The following ECT2 variants were observed in gnomAD, a reference collection of about 807,000 sequenced individuals.
ECT2 encodes epithelial cell transforming 2.
A neutral mutation model predicts 116.9 loss-of-function variants in ECT2; 61 were observed. That is an observed-to-expected ratio of 0.52 (90% CI 0.42 to 0.65). ECT2 has a LOEUF of 0.65. Among genes scored for constraint, ECT2 ranks in the 30% least tolerant of loss-of-function variants. The probability of loss-of-function intolerance (pLI) is 0.00; values close to 1 mark genes in which losing one functional copy is unlikely to be tolerated. For synonymous variants in ECT2, 358 were observed against 346.4 expected, an observed-to-expected ratio of 1.03 and a Z score of -0.37; for missense variants, 937 against 1,078.7, an observed-to-expected ratio of 0.87 and a Z score of 1.84.
chr3:172,772,538 A>G (rs1720858365), intron 13 of ECT2, among the ~76,000 whole-genome samples: 1 of 152,180 alleles, frequency 6.6e-6, no homozygotes, highest in Admixed American at 6.5e-5. Flanking sequence ...TTTGTCAAAC[A>G]TGACTTGCAA....
downstream of ECT2, among the ~76,000 whole-genome samples, chr3:172,822,324 G>A (rs530736803): frequency 1.3e-5 from 2 of 152,090 alleles, no homozygotes; most frequent in East Asian, 3.9e-4. Flanking sequence ...TAGAGTGCAT[G>A]TTCTTCTAAC....
intron 14 of ECT2, among the ~76,000 whole-genome samples, chr3:172,775,638 CTT>C (rs536857351): frequency 7.7e-5 from 11 of 142,738 alleles, no homozygotes; most frequent in Admixed American, 7.0e-5. Flanking sequence ...GGGTTTTTTT[CTT>C]TTTTTTTTTT....
Position 172,784,904 on chromosome 3 carries a change from C to G in ECT2, c.1825+101C>G, listed in dbSNP as rs1723340104. On this transcript the variant is annotated intron_variant, in intron 17 of 24. Transcript: ENST00000392692. ...CTCATTTTTAGAGTTTCTTAGATTT[C>G]AGCATTAAAGTTTATATATGTTTTG... 4 of 750,742 alleles carry G rather than the reference C, an allele frequency of 5.3e-6. No individual in the cohort carries two copies. In the South Asian group the frequency reaches 1.0e-4, roughly 20 times the overall value. 46.5% of individuals were successfully genotyped at this position (750,742 alleles called of 1,614,324 possible). A position where few individuals can be genotyped will look rare whatever the true frequency, so the allele number is the denominator to read the frequency against.
At chr3:172,756,604 T>C (rs1008104814) in intron 4 of ECT2, among the ~76,000 whole-genome samples, 3 of 152,176 alleles carry the variant, frequency 2.0e-5, no homozygotes, top group African/African-American at 7.2e-5. Flanking sequence ...TGGTCAGTAG[T>C]GGATATCTTT....
intron 6 of ECT2, among the ~76,000 whole-genome samples, chr3:172,759,733 C>A (rs1356746962): frequency 6.6e-6 from 1 of 152,136 alleles, no homozygotes; most frequent in Non-Finnish European, 1.5e-5. Context: ...CGTGAGCCAC[C>A]GCGCCCGGCC....
At chr3:172,798,549 A>G (rs892793902) in intron 18 of ECT2, among the ~76,000 whole-genome samples, 3 of 152,190 alleles carry the variant, frequency 2.0e-5, no homozygotes, top group Non-Finnish European at 4.4e-5. Context: ...ATTATACAAG[A>G]TTGAATAACT....
chr3:172,768,230 A>C (rs1467357389), intron 12 of ECT2, among the ~76,000 whole-genome samples: 1 of 152,192 alleles, frequency 6.6e-6, no homozygotes, highest in Non-Finnish European at 1.5e-5. Context: ...TGTAATCACA[A>C]CAACCTTTTC....
intron 16 of ECT2, 125 bp downstream of exon 16, chr3:172,784,034 A>G: frequency 7.6e-6 from 5 of 655,578 alleles, no homozygotes; most frequent in Non-Finnish European, 1.3e-5. Context: ...TGTTAATTTT[A>G]GTTGTACTTA....
intron 12 of ECT2, among the ~76,000 whole-genome samples, chr3:172,766,921 G>A (rs538091074): frequency 6.0e-4 from 91 of 152,254 alleles, no homozygotes; most frequent in African/African-American, 2.1e-3. Context: ...ATGAACCACC[G>A]AAGTAAACAG....
chr3:172,802,853 C>G lies in ECT2; in HGVS notation c.1987-8C>G. The G allele has an allele frequency of 6.2e-7, 1 of 1,603,652 alleles. No individual in the cohort carries two copies. The highest frequency in any genetic ancestry group is 8.5e-7 in the Non-Finnish European group (1 of 1,176,916). ...TGATCTCTTTTGTTATATTTTCAACCTATACAGGCTAATCTTTTATCTTCT... is the reference window on the plus strand; with the variant it reads ...TGATCTCTTTTGTTATATTTTCAACGTATACAGGCTAATCTTTTATCTTCT... On this transcript the variant is annotated splice_polypyrimidine_tract_variant and splice_region_variant and intron_variant, in intron 19 of 24. Transcript: ENST00000392692.
At chr3:172,761,707 TTC>T in intron 8 of ECT2, 24 bp downstream of exon 8, 1 of 1,487,098 alleles carries the variant, frequency 6.7e-7, no homozygotes, top group Non-Finnish European at 9.3e-7. Flanking sequence ...AACTCAGTAG[TTC>T]ATTATGTAAA....
At chr3:172,756,366 G>T (rs111954832) in intron 4 of ECT2, among the ~76,000 whole-genome samples, 1,566 of 151,628 alleles carry the variant, frequency 0.01, 33 homozygotes, top group African/African-American at 0.036. Flanking sequence ...ATTATTTTTC[G>T]TGGATGTATA....
At chr3:172,817,831 T>C (rs1372320456) in intron 24 of ECT2, among the ~76,000 whole-genome samples, 1 of 152,082 alleles carries the variant, frequency 6.6e-6, no homozygotes, top group African/African-American at 2.4e-5. Context: ...TTTTTGCAGA[T>C]GATGTTATAT....
intron 20 of ECT2, 136 bp from the exon 21 acceptor site, chr3:172,805,595 T>C (rs559675633): frequency 2.4e-6 from 2 of 848,412 alleles, no homozygotes; most frequent in Admixed American, 2.9e-5. Flanking sequence ...GTAACTCTGC[T>C]TATAACAACT....
chr3:172,804,362 G>C (rs933562327), intron 20 of ECT2, among the ~76,000 whole-genome samples: 1 of 152,138 alleles, frequency 6.6e-6, no homozygotes, highest in Admixed American at 6.5e-5. Flanking sequence ...GTTGCAAAAA[G>C]CACAAAAGTA....
At chr3:172,755,257 A>G in intron 2 of ECT2, 38 bp from the exon 3 acceptor site, 1 of 1,514,806 alleles carries the variant, frequency 6.6e-7, no homozygotes, top group Non-Finnish European at 9.0e-7. Flanking sequence ...TGTGATGTTA[A>G]TACATGATAA....
chr3:172,762,885 T>C, intron 10 of ECT2, 25 bp from the exon 11 acceptor site: 1 of 1,612,860 alleles, frequency 6.2e-7, no homozygotes, highest in Non-Finnish European at 8.5e-7. Context: ...AAACTGTTTA[T>C]TAAAATGTTT....
intron 18 of ECT2, among the ~76,000 whole-genome samples, chr3:172,797,398 G>C (rs1457447488): frequency 6.6e-6 from 1 of 152,066 alleles, no homozygotes; most frequent in African/African-American, 2.4e-5. Context: ...GTTACCTTTT[G>C]CTTTTTCCCC....
chr3:172,805,796 A>G lies in ECT2; in HGVS notation c.2172A>G (p.Pro724=). ...GTCCTCATGGCCAAACCCGACCCCC[A>G]GCTTCTCTTAAGCATATTCACCTAA... is the stretch of plus-strand genomic sequence containing the variant. ...FRSPHGQTRP[P]ASLKHIHLMP... is the part of the protein sequence containing the mutation. The change falls in exon 21 of 25, where the codon CCA becomes CCG. Residue 724 remains proline (P), a synonymous_variant. Transcript: ENST00000392692. 1 of 1,613,854 alleles carries G rather than the reference A, an allele frequency of 6.2e-7. No individual in the cohort carries two copies. Among genetic ancestry groups the G allele is most frequent in the Non-Finnish European group, 8.5e-7 (1 of 1,179,888 alleles).
Sources: allele counts gnomAD v4.1 joint callset (sites outside exome capture counted in the v4.1 genomes callset), GRCh38; gene constraint gnomAD v4.1.1; transcripts MANE v1.5; gene names NCBI Gene and HGNC (gene_info 2026-07-23, HGNC 2026-07-21).